The following BNIP1 variants were observed in gnomAD, a reference collection of about 807,000 sequenced individuals.
The protein encoded by BNIP1 is BCL2 interacting protein 1, also known as vesicle transport protein SEC20.
A neutral mutation model predicts 28.5 loss-of-function variants in BNIP1; 25 were observed. The observed-to-expected ratio is 0.88, with a 90% CI of 0.64 to 1.23. The LOEUF (loss-of-function observed/expected upper bound fraction) is 1.23, where lower values mean the gene tolerates loss of function less well. Ranked by LOEUF, BNIP1 falls within the 50% of genes most tolerant of loss-of-function variation. BNIP1 has a pLI of 0.00. For missense variants in BNIP1, 276 were observed against 277.0 expected (o/e 1.00, Z 0.02); for synonymous variants, 118 against 101.7 (o/e 1.16, Z -0.96).
At chr5:173,149,412 G>C (rs1367709204) in intron 2 of BNIP1, among the ~76,000 whole-genome samples, 1 of 152,100 alleles carries the variant, frequency 6.6e-6, no homozygotes, top group East Asian at 1.9e-4. Flanking sequence ...TCACTATCAT[G>C]AGAAAAGTGC....
In BNIP1 at chr5:173,144,551, G is replaced by T. The variant is rs769875894; in HGVS notation, c.6G>T (p.Ala2=). 1 of 1,613,936 alleles carries T rather than the reference G, an allele frequency of 6.2e-7. No homozygotes were observed. Among genetic ancestry groups the T allele is most frequent in the Non-Finnish European group, 8.5e-7 (1 of 1,179,960 alleles). M[A]APQDVHVRIC... ...CCGTAGCCGGCGTCCCCAACATGGC[G>T]GCTCCCCAAGACGTCCACGTCCGGA... is the stretch of plus-strand genomic sequence containing the variant. Residue 2 remains alanine, a synonymous_variant, in exon 1 of 6, where the codon GCG becomes GCT. Transcript: ENST00000351486.
Position 173,163,796 on chromosome 5 carries a change from C to A in BNIP1, c.562C>A (p.Arg188=). Residue 188 remains arginine (R), a synonymous_variant, in exon 6 of 6, where the codon CGG becomes AGG. Transcript: ENST00000351486. ...CATGTCGGGCACCATCCAGCTGGGC[C>A]GGAAGCTTATCACAAAATACAATCG... is the stretch of plus-strand genomic sequence containing the variant. The part of the protein sequence containing the change: ...KSMSGTIQLG[R]KLITKYNRRE... The A allele has an allele frequency of 1.2e-6, 2 of 1,613,884 alleles. No homozygotes were observed. Among genetic ancestry groups the A allele is most frequent in the Non-Finnish European group, 8.5e-7 (1 of 1,179,924 alleles).
rs775072961 is a variant in BNIP1 at position 173,159,886 on chromosome 5, A to G, written c.372-47A>G. ...TTGGATGTGGGGCCTTCTTGCAGGGAGGCTTTTGTTGACATTCCTCCCCTT... is the reference window on the plus strand; with the variant it reads ...TTGGATGTGGGGCCTTCTTGCAGGGGGGCTTTTGTTGACATTCCTCCCCTT... On this transcript the variant is annotated intron_variant, in intron 4 of 5. Transcript: ENST00000351486. The G allele has an allele frequency of 2.0e-6, 3 of 1,530,158 alleles. 1 individual carries two copies. In the South Asian group the frequency reaches 3.4e-5, roughly 17 times the overall value. The allele number at this position is 1,530,158 out of a possible 1,614,324, so 94.8% of individuals were successfully genotyped here.
chr5:173,150,247 G>A (rs1169612855), intron 2 of BNIP1, among the ~76,000 whole-genome samples: 6 of 144,094 alleles, frequency 4.2e-5, no homozygotes, highest in African/African-American at 1.6e-4. Context: ...GACGGAGCAA[G>A]ACCCTGTCTC....
In BNIP1 at chr5:173,146,855, A is replaced by G. The variant is rs762078545; in HGVS notation, c.85-11A>G. The G allele has an allele frequency of 3.2e-5, 51 of 1,605,668 alleles. No individual in the cohort carries two copies. Among genetic ancestry groups the G allele is most frequent in the African/African-American group, 8.0e-5 (6 of 74,698 alleles). ...TTGAGAAAGGCCTTTCATCTGTTCA[A>G]TGTCTCCTAGGATATCCGTGATTGT... On this transcript the variant is annotated splice_polypyrimidine_tract_variant and intron_variant, in intron 1 of 5. Transcript: ENST00000351486.
intron 2 of BNIP1, among the ~76,000 whole-genome samples, chr5:173,148,319 G>A (rs568946733): frequency 6.6e-6 from 1 of 151,518 alleles, no homozygotes; most frequent in Admixed American, 6.6e-5. Flanking sequence ...TCAGAATCTA[G>A]ATCAGAATCA....
Position 173,154,349 on chromosome 5 carries a change from G to T in BNIP1, c.205G>T (p.Asp69Tyr). 1 of 1,613,934 alleles carries T rather than the reference G, an allele frequency of 6.2e-7. No homozygotes were observed. The highest frequency in any genetic ancestry group is 8.5e-7 in the Non-Finnish European group (1 of 1,179,920). ...QDLEQLAKEQ[D>Y]KESEKQLLLQ... ...CCTGGAGCAGTTGGCTAAAGAGCAA[G>T]ACAAAGAATCAGAGAAACAACTTCT... The change falls in exon 3 of 6, where the codon GAC (aspartate) becomes TAC (tyrosine). Residue 69 changes from aspartate (D) to tyrosine (Y), a missense_variant. Coordinates refer to ENST00000351486, the MANE Select transcript of BNIP1 (RefSeq NM_001205.3).
Position 173,163,812 on chromosome 5 carries a change from A to T in BNIP1, c.578A>T (p.Lys193Ile). The change falls in exon 6 of 6, where the codon AAA (lysine) becomes ATA (isoleucine). Residue 193 changes from lysine to isoleucine, a missense_variant. By Grantham distance (102) the Lys-to-Ile change is moderately radical. Transcript: ENST00000351486. ...CAGCTGGGCCGGAAGCTTATCACAAAATACAATCGCCGGGAGCTGACGGAC... is the reference window on the plus strand; with the variant it reads ...CAGCTGGGCCGGAAGCTTATCACAATATACAATCGCCGGGAGCTGACGGAC... ...TIQLGRKLIT[K>I]YNRRELTDKL... is the part of the protein sequence containing the mutation. 6.2e-7 allele frequency: 1 copy of T among 1,613,912 alleles called. No individual in the cohort carries two copies. The highest frequency in any genetic ancestry group is 8.5e-7 in the Non-Finnish European group (1 of 1,179,918).
chr5:173,144,721 C>A, intron 1 of BNIP1, 92 bp downstream of exon 1: 3 of 1,379,634 alleles, frequency 2.2e-6, no homozygotes, highest in Non-Finnish European at 3.0e-6. Flanking sequence ...CGAACTTTCC[C>A]CACTTGGTTT....
intron 3 of BNIP1, 45 bp downstream of exon 3, chr5:173,154,458 T>C (rs1212114178): frequency 8.0e-6 from 12 of 1,497,004 alleles, no homozygotes; most frequent in Non-Finnish European, 1.0e-5. Flanking sequence ...TGGCTCTTCT[T>C]GTTGCCTGTG....
intron 3 of BNIP1, among the ~76,000 whole-genome samples, chr5:173,157,337 A>G (rs761255527): frequency 1.3e-5 from 2 of 152,196 alleles, no homozygotes; most frequent in Non-Finnish European, 1.5e-5. Context: ...TGAGCTGGCT[A>G]CATAAGAGTT....
At chr5:173,149,233 G>A (rs29796) in intron 2 of BNIP1, among the ~76,000 whole-genome samples, 58,354 of 152,096 alleles carry the variant, frequency 0.38, 12,005 homozygotes, top group Non-Finnish European at 0.46. Flanking sequence ...ACGTGAGACT[G>A]GGAAGAAAAA....
At chr5:173,156,655 T>G (rs956406536) in intron 3 of BNIP1, among the ~76,000 whole-genome samples, 6 of 150,122 alleles carry the variant, frequency 4.0e-5, no homozygotes, top group African/African-American at 1.5e-4. Context: ...CTTTTGTTTT[T>G]TTTTTTTTTT....
chr5:173,163,644 C>T, intron 5 of BNIP1, 81 bp from the exon 6 acceptor site: 2 of 1,316,254 alleles, frequency 1.5e-6, no homozygotes, highest in Non-Finnish European at 2.1e-6. Flanking sequence ...TGGTTTTTAT[C>T]AGCACCCCAG....
chr5:173,154,530 T>C, intron 3 of BNIP1, 117 bp downstream of exon 3: 1 of 797,284 alleles, frequency 1.3e-6, no homozygotes. Context: ...GTGTCTTTTT[T>C]TTTTTTTTGA....
chr5:173,147,390 G>A lies in BNIP1; in HGVS notation c.177+432G>A, dbSNP rs369677841. On this transcript the variant is annotated intron_variant, in intron 2 of 5. Coordinates refer to ENST00000351486, the MANE Select transcript of BNIP1 (RefSeq NM_001205.3). ...ACTGCACTCCAGCCTGGGCGACAGA[G>A]CGAGACTCTGTCTCAAAAAAAAAAA... Among the ~76,000 whole-genome samples, 117 of 151,950 alleles carry A rather than the reference G, an allele frequency of 7.7e-4. 1 individual carries two copies. Among genetic ancestry groups the A allele is most frequent in the Admixed American group, 5.9e-3 (90 of 15,288 alleles).
rs1401465430 is a variant in BNIP1, at chr5:173,159,494, CT to C, written c.372-434del. ...TTGTTCATTAAAAAAAAAAAAAAAG[CT>C]TTTTAAGCCTAATTCTAACAGTACA... On this transcript the variant is annotated intron_variant, in intron 4 of 5. Transcript: ENST00000351486. 5.0e-5 allele frequency among the ~76,000 whole-genome samples: 7 copies of C among 140,780 alleles called. No individual in the cohort carries two copies. The South Asian group carries it at 1.6e-3, about 32-fold the overall frequency. 92.4% of individuals were successfully genotyped at this position (140,780 alleles called of 152,430 possible).
intron 2 of BNIP1, chr5:173,151,481 A>C (rs983679676): frequency 8.6e-6 from 12 of 1,398,638 alleles, no homozygotes; most frequent in Non-Finnish European, 1.2e-5. Context: ...TCAGCCTTCC[A>C]AAGTGTTGGG....
At chr5:173,153,577 A>G (rs1399879800) in intron 2 of BNIP1, among the ~76,000 whole-genome samples, 1 of 152,164 alleles carries the variant, frequency 6.6e-6, no homozygotes, top group Non-Finnish European at 1.5e-5. Flanking sequence ...CGAACCACTC[A>G]GGGAAGATAA....
Sources: allele counts gnomAD v4.1 joint callset (sites outside exome capture counted in the v4.1 genomes callset), GRCh38; gene constraint gnomAD v4.1.1; transcripts MANE v1.5; gene names NCBI Gene and HGNC (gene_info 2026-07-23, HGNC 2026-07-21).